The following ADARB1 variants were observed in gnomAD, a reference collection of about 807,000 sequenced individuals.
The protein encoded by ADARB1 is double-stranded RNA-specific editase 1.
In ADARB1, 10 loss-of-function variants were observed where a neutral mutation model predicts 52.4. The observed-to-expected ratio is 0.19, with a 90% CI of 0.12 to 0.32. The LOEUF is 0.32. Ranked by LOEUF, ADARB1 falls within the 10% of genes least tolerant of loss-of-function variation. The pLI, the probability that ADARB1 is intolerant of heterozygous loss-of-function variation, is 1.00. For synonymous variants in ADARB1, 349 were observed against 371.1 expected (o/e 0.94, Z 0.68); for missense variants, 643 against 922.3 (o/e 0.70, Z 3.92).
At chr21:45,149,558 GTTTTT>G (rs2145938891) in intron 2 of ADARB1, among the ~76,000 whole-genome samples, 1 of 152,334 alleles carries the variant, frequency 6.6e-6, no homozygotes, top group Non-Finnish European at 1.5e-5. Context: ...GGGACCTATG[GTTTTT>G]ATATGAATTA....
intron 1 of ADARB1, among the ~76,000 whole-genome samples, chr21:45,078,333 C>A (rs1005237075): frequency 2.6e-5 from 4 of 152,208 alleles, no homozygotes; most frequent in Non-Finnish European, 5.9e-5. Context: ...CCCATGCATC[C>A]TGGCCCAGGT....
chr21:45,213,194 T>G (rs1386167051), intron 9 of ADARB1, among the ~76,000 whole-genome samples: 1 of 152,222 alleles, frequency 6.6e-6, no homozygotes, highest in Non-Finnish European at 1.5e-5. Context: ...GCTTATTGTT[T>G]AAAGCTTCAT....
At chr21:45,131,165 C>G (rs1439583692) in intron 2 of ADARB1, among the ~76,000 whole-genome samples, 1 of 152,218 alleles carries the variant, frequency 6.6e-6, no homozygotes, top group Non-Finnish European at 1.5e-5. Flanking sequence ...AAATAGTTTT[C>G]TATGCCACTG....
intron 2 of ADARB1, among the ~76,000 whole-genome samples, chr21:45,163,543 C>T (rs924191758): frequency 1.3e-5 from 2 of 152,194 alleles, no homozygotes; most frequent in African/African-American, 4.8e-5. Context: ...CCCCCACCTC[C>T]ACCCTGCACC....
intron 8 of ADARB1, among the ~76,000 whole-genome samples, chr21:45,186,604 C>T: frequency 6.6e-6 from 1 of 152,208 alleles, no homozygotes; most frequent in East Asian, 1.9e-4. Context: ...CTCTTTATCA[C>T]TAGGAATGTT....
intron 8 of ADARB1, among the ~76,000 whole-genome samples, chr21:45,186,408 A>G (rs906938148): frequency 2.0e-5 from 3 of 152,154 alleles, no homozygotes; most frequent in African/African-American, 7.2e-5. Flanking sequence ...CCATCACAAT[A>G]TTATAGACTT....
rs2092621358 is a variant in ADARB1, at chr21:45,204,241, C to T, written c.1566-314C>T. Among the ~76,000 whole-genome samples the T allele has an allele frequency of 6.6e-6, 1 of 152,178 alleles. No homozygotes were observed. The highest frequency in any genetic ancestry group is 1.5e-5 in the Non-Finnish European group (1 of 68,036). ...AAAGTGAAACCTCAGATAAGGGGACCTGCTATAATTAAATATGTAATTTCC... is the reference window on the plus strand; with the variant it reads ...AAAGTGAAACCTCAGATAAGGGGACTTGCTATAATTAAATATGTAATTTCC... On this transcript the variant is annotated intron_variant, in intron 8 of 10. Coordinates refer to ENST00000348831, the MANE Select transcript of ADARB1 (RefSeq NM_001112.4). The surrounding 1 kb of genome is among the most constrained non-coding windows in gnomAD (Gnocchi z 4.4).
At chr21:45,202,550 AG>A (rs757277928) in intron 8 of ADARB1, among the ~76,000 whole-genome samples, 87 of 152,154 alleles carry the variant, frequency 5.7e-4, no homozygotes, top group Admixed American at 2.3e-3. Context: ...TGAGTGACAG[AG>A]GGGGGATATA....
chr21:45,096,290 C>T (rs911347824), intron 1 of ADARB1, among the ~76,000 whole-genome samples: 13 of 152,176 alleles, frequency 8.5e-5, no homozygotes, highest in African/African-American at 3.1e-4. Context: ...GAGTTGGATT[C>T]TGTCCACAGG....
At chr21:45,190,169 G>A (rs1248489110) in intron 8 of ADARB1, among the ~76,000 whole-genome samples, 1 of 151,936 alleles carries the variant, frequency 6.6e-6, no homozygotes, top group African/African-American at 2.4e-5. Context: ...CTGACTCAGT[G>A]ATTTCAAAAA....
intron 8 of ADARB1, among the ~76,000 whole-genome samples, chr21:45,193,509 T>C (rs1185419404): frequency 6.6e-6 from 1 of 152,210 alleles, no homozygotes; most frequent in African/African-American, 2.4e-5. Flanking sequence ...TCCCCACTTC[T>C]GTTCAACATT....
In ADARB1 at chr21:45,211,373, A is replaced by T. The variant is rs749660573; in HGVS notation, c.1747+6637A>T. 3.7e-4 allele frequency among the ~76,000 whole-genome samples: 57 copies of T among 152,268 alleles called. 1 individual carries two copies. Among genetic ancestry groups the T allele is most frequent in the Admixed American group, 2.4e-3 (36 of 15,302 alleles). ...GGGGGTGCTGTGCACAGTTTTCCTT[A>T]TACTGTAACTTATGCCCAGGTCTTG... On this transcript the variant is annotated intron_variant, in intron 9 of 10. Coordinates refer to ENST00000348831, the MANE Select transcript of ADARB1 (RefSeq NM_001112.4).
intron 1 of ADARB1, among the ~76,000 whole-genome samples, chr21:45,078,591 C>T (rs987117164): frequency 2.0e-5 from 3 of 152,200 alleles, no homozygotes; most frequent in African/African-American, 7.2e-5. Flanking sequence ...AGTCCCTGAG[C>T]CTCCTTGTAG....
chr21:45,147,761 C>T lies in ADARB1; in HGVS notation c.-48+19188C>T, dbSNP rs753899461. 8.1e-4 allele frequency among the ~76,000 whole-genome samples: 123 copies of T among 152,304 alleles called. No homozygotes were observed. In the Middle Eastern group the frequency reaches 0.014, roughly 17 times the overall value. ...TTGCCCTGGCCTTAGTCCCCCATCTCGCTGTGATAGCCATGCAGGTCAGCA... is the reference window on the plus strand; with the variant it reads ...TTGCCCTGGCCTTAGTCCCCCATCTTGCTGTGATAGCCATGCAGGTCAGCA... On this transcript the variant is annotated intron_variant, in intron 2 of 10. Transcript: ENST00000348831.
intron 4 of ADARB1, chr21:45,177,523 T>G (rs1440548272): frequency 6.6e-6 from 1 of 152,232 alleles, no homozygotes; most frequent in Non-Finnish European, 1.5e-5. Context: ...ATCCTAAAAC[T>G]CTCTGATTAT....
At chr21:45,105,408 T>C (rs2087203998) in intron 1 of ADARB1, among the ~76,000 whole-genome samples, 1 of 152,196 alleles carries the variant, frequency 6.6e-6, no homozygotes, top group South Asian at 2.1e-4. Context: ...GGCCTGCTTC[T>C]TTGTATTTTA....
chr21:45,175,827 C>T lies in ADARB1; in HGVS notation c.126C>T (p.Ser42=). 1 of 1,614,130 alleles carries T rather than the reference C, an allele frequency of 6.2e-7. No homozygotes were observed. Among genetic ancestry groups the T allele is most frequent in the Non-Finnish European group, 8.5e-7 (1 of 1,180,024 alleles). ...TPGPGEGSQL[S]NGGGGGPGRK... is the part of the protein sequence containing the mutation. ...GGCCTGGCGAGGGCTCTCAGCTCTC[C>T]AATGGGGGTGGTGGTGGCCCCGGCA... The change falls in exon 4 of 11, where the codon TCC becomes TCT. Residue 42 remains serine, a synonymous_variant. Transcript: ENST00000348831.
intron 1 of ADARB1, among the ~76,000 whole-genome samples, chr21:45,103,277 G>A (rs2087105593): frequency 6.6e-6 from 1 of 152,014 alleles, no homozygotes. Flanking sequence ...TTGGCACCAG[G>A]GACTGGTGAC....
At chr21:45,167,906 G>T (rs2146090458) in intron 2 of ADARB1, among the ~76,000 whole-genome samples, 1 of 152,186 alleles carries the variant, frequency 6.6e-6, no homozygotes, top group Admixed American at 6.5e-5. Context: ...TTAAGAAACT[G>T]CCAAACTACT....
Sources: allele counts gnomAD v4.1 joint callset (sites outside exome capture counted in the v4.1 genomes callset), GRCh38; gene constraint gnomAD v4.1.1; non-coding constraint Gnocchi (gnomAD v3.1); transcripts MANE v1.5; gene names NCBI Gene and HGNC (gene_info 2026-07-23, HGNC 2026-07-21).